The following SLC18A1 variants were observed in gnomAD, a reference collection of about 807,000 sequenced individuals.
SLC18A1 encodes the protein chromaffin granule amine transporter.
SLC18A1 carries 69 observed loss-of-function variants against 53.7 expected under a neutral mutation model. The observed-to-expected ratio is 1.28, with a 90% CI of 1.06 to 1.57. SLC18A1 has a LOEUF of 1.57. SLC18A1 is among the 40% of genes most tolerant of loss of function. The pLI is 0.00. For synonymous variants in SLC18A1, 320 were observed against 248.1 expected (o/e 1.29, Z -2.72); for missense variants, 932 against 668.1 (o/e 1.40, Z -4.35).
rs901050696 is a variant in SLC18A1, at chr8:20,179,189, C to T, written c.420G>A (p.Gly140=). 4 of 1,613,982 alleles carry T rather than the reference C, an allele frequency of 2.5e-6. No homozygotes were observed. In the South Asian group the frequency reaches 4.4e-5, roughly 18 times the overall value. The change falls in exon 3 of 16, where the codon GGG becomes GGA. Residue 140 remains glycine (G), a synonymous_variant. Transcript: ENST00000276373. ...TCACAGCCTTTGAAGCAAACAGAAC[C>T]CCGACCCGGGTAATCTCTTCCTCCA... ...GFLEEEITRV[G]VLFASKAVMQ... is the part of the protein sequence containing the mutation.
At chr8:20,152,592 T>C (rs777823776) in intron 10 of SLC18A1, among the ~76,000 whole-genome samples, 6 of 152,148 alleles carry the variant, frequency 3.9e-5, no homozygotes, top group Non-Finnish European at 7.4e-5. Context: ...GGAAGACTGG[T>C]TGAAGTGCAA....
intron 8 of SLC18A1, among the ~76,000 whole-genome samples, chr8:20,168,762 G>T (rs191777753): frequency 6.6e-4 from 101 of 152,264 alleles, no homozygotes; most frequent in Non-Finnish European, 1.3e-3. Flanking sequence ...CAGAGACAGG[G>T]TTTTGCCATG....
chr8:20,171,612 T>A, intron 6 of SLC18A1, 118 bp from the exon 7 acceptor site: 1 of 744,658 alleles, frequency 1.3e-6, no homozygotes, highest in Non-Finnish European at 2.3e-6. Flanking sequence ...AAGCTCCACC[T>A]GAGGCTCTGG....
intron 8 of SLC18A1, among the ~76,000 whole-genome samples, chr8:20,170,838 T>TAGAC (rs2072095745): frequency 8.4e-6 from 1 of 118,630 alleles, no homozygotes; most frequent in Non-Finnish European, 2.1e-5. Flanking sequence ...GTCGAATATA[T>TAGAC]AGATAGATAG....
At position 20,173,031 on chromosome 8, in the gene SLC18A1, C is replaced by T. The variant is rs762333785; in HGVS notation, c.724+5G>A. ...GAACCCAGAGCTCCAGCTGGTGCCACTTACCCAGCAACCCCAAGGCCAGGC... is the reference window on the plus strand; with the variant it reads ...GAACCCAGAGCTCCAGCTGGTGCCATTTACCCAGCAACCCCAAGGCCAGGC... On this transcript the variant is annotated splice_donor_5th_base_variant and intron_variant, in intron 6 of 15. Coordinates refer to ENST00000276373, the MANE Select transcript of SLC18A1 (RefSeq NM_003053.4). 6.3e-7 allele frequency: 1 copy of T among 1,580,542 alleles called. No homozygotes were observed. Among genetic ancestry groups the T allele is most frequent in the Admixed American group, 1.8e-5 (1 of 55,336 alleles).
chr8:20,148,608 G>A, intron 12 of SLC18A1: 1 of 507,126 alleles, frequency 2.0e-6, no homozygotes, highest in Non-Finnish European at 3.6e-6. Flanking sequence ...CCCCTGTCAG[G>A]AAGCTTGTGA....
intron 15 of SLC18A1, 90 bp from the exon 16 acceptor site, chr8:20,145,966 A>C: frequency 3.1e-6 from 2 of 650,528 alleles, no homozygotes; most frequent in Admixed American, 6.8e-5. Flanking sequence ...CCCAGGCTGG[A>C]GTGCAGTGGC....
chr8:20,161,343 T>C (rs2071825380), intron 10 of SLC18A1, among the ~76,000 whole-genome samples: 1 of 151,802 alleles, frequency 6.6e-6, no homozygotes, highest in Non-Finnish European at 1.5e-5. Context: ...AGATCAAAAA[T>C]ATATGAGGAA....
chr8:20,146,426 G>A (rs1406842533), intron 15 of SLC18A1, among the ~76,000 whole-genome samples: 1 of 152,158 alleles, frequency 6.6e-6, no homozygotes, highest in Non-Finnish European at 1.5e-5. Context: ...GAAAGTTACA[G>A]CAGGAAGCCA....
intron 10 of SLC18A1, among the ~76,000 whole-genome samples, chr8:20,152,003 T>G (rs2071568991): frequency 6.6e-6 from 1 of 152,122 alleles, no homozygotes; most frequent in South Asian, 2.1e-4. Context: ...TGCATGAAAT[T>G]TAATGTGGTG....
At chr8:20,147,758 C>G in intron 13 of SLC18A1, 36 bp from the exon 14 acceptor site, 1 of 1,603,922 alleles carries the variant, frequency 6.2e-7, no homozygotes, top group Non-Finnish European at 8.5e-7. Context: ...GTCAGCCCCA[C>G]CCACAGTTAG....
intron 10 of SLC18A1, among the ~76,000 whole-genome samples, chr8:20,154,103 A>C (rs2071625376): frequency 6.6e-6 from 1 of 152,194 alleles, no homozygotes; most frequent in African/African-American, 2.4e-5. Flanking sequence ...TGCTGGTGCC[A>C]GGCTTCTTGT....
Position 20,165,088 on chromosome 8 carries a change from AG to A in SLC18A1, c.877del (p.Leu293SerfsTer35). ...GTAAGGGTCTTTGAGAAGCATAAAG[AG>A]GGGAGTCCCCTTGGCACTCTGAGAA... The part of the protein sequence containing the change: ...VSPESAKGTP[L>X]FMLLKDPYIL... On this transcript the variant is annotated frameshift_variant, in exon 9 of 16. Transcript: ENST00000276373. LOFTEE classifies it high-confidence loss of function. 2 of 1,614,200 alleles carry A rather than the reference AG, an allele frequency of 1.2e-6. No individual in the cohort carries two copies. The highest frequency in any genetic ancestry group is 1.7e-6 in the Non-Finnish European group (2 of 1,180,020).
In SLC18A1 at chr8:20,160,304, A is replaced by T. The variant is rs920254445; in HGVS notation, c.1015+4565T>A. ...AGGAAGCCTACAGCCTCCTAGATAC[A>T]CCTCCTTGACATCATTTTAAATGGT... On this transcript the variant is annotated intron_variant, in intron 10 of 15. Coordinates refer to ENST00000276373, the MANE Select transcript of SLC18A1 (RefSeq NM_003053.4). Among the ~76,000 whole-genome samples, 8 of 148,662 alleles carry T rather than the reference A, an allele frequency of 5.4e-5. No individual in the cohort carries two copies. In the East Asian group the frequency reaches 1.6e-3, roughly 29 times the overall value.
At chr8:20,172,044 C>A (rs1450929475) in intron 6 of SLC18A1, among the ~76,000 whole-genome samples, 1 of 152,216 alleles carries the variant, frequency 6.6e-6, no homozygotes, top group Non-Finnish European at 1.5e-5. Context: ...GCCTTGCGGC[C>A]TATGGAGAAA....
chr8:20,163,593 A>G (rs983840655), intron 10 of SLC18A1, among the ~76,000 whole-genome samples: 1 of 152,112 alleles, frequency 6.6e-6, no homozygotes, highest in Non-Finnish European at 1.5e-5. Context: ...GATGCTCTTC[A>G]TGTACAGCAG....
At chr8:20,155,399 CT>C (rs1416964283) in intron 10 of SLC18A1, among the ~76,000 whole-genome samples, 1 of 152,156 alleles carries the variant, frequency 6.6e-6, no homozygotes, top group Non-Finnish European at 1.5e-5. Context: ...TGGGAAAAGG[CT>C]TTCTAACAAC....
In SLC18A1 at chr8:20,157,844, C is replaced by T. The variant is rs376560710; in HGVS notation, c.1015+7025G>A. Among the ~76,000 whole-genome samples, 14 of 152,242 alleles carry T rather than the reference C, an allele frequency of 9.2e-5. No homozygotes were observed. In the South Asian group the frequency reaches 1.9e-3, roughly 20 times the overall value. On this transcript the variant is annotated intron_variant, in intron 10 of 15. Coordinates refer to ENST00000276373, the MANE Select transcript of SLC18A1 (RefSeq NM_003053.4). ...AGGCCACCCCTTTAGCCATGTCCCT[C>T]GGCAAGTGGACTTTGGAGGCTCTGG...
intron 8 of SLC18A1, among the ~76,000 whole-genome samples, chr8:20,166,142 C>G (rs1419422398): frequency 6.6e-6 from 1 of 151,696 alleles, no homozygotes; most frequent in African/African-American, 2.4e-5. Context: ...AGATTAATGA[C>G]AACATTATAA....
Sources: gnomAD v4.1 joint callset for allele counts (sites outside exome capture counted in the v4.1 genomes callset) on GRCh38, gnomAD v4.1.1 for gene constraint, MANE v1.5 for transcripts, NCBI Gene and HGNC (gene_info 2026-07-23, HGNC 2026-07-21) for gene names.